Variants in LEPR observed in about 807,000 individuals in gnomAD.
LEPR encodes the protein leptin receptor, also known as OB receptor.
A neutral mutation model predicts 114.7 loss-of-function variants in LEPR; 56 were observed. The ratio of observed to expected loss-of-function variants is 0.49; its 90% CI spans 0.39 to 0.61. LEPR has a LOEUF of 0.61. Ranked by LOEUF, LEPR falls within the 20% of genes least tolerant of loss-of-function variation. The pLI is 0.00. For missense variants in LEPR, 1,202 were observed against 1,352.9 expected (o/e 0.89, Z 1.75); for synonymous variants, 443 against 461.4 (o/e 0.96, Z 0.51).
intron 2 of LEPR, chr1:65,432,542 C>A: frequency 1.2e-6 from 1 of 846,320 alleles, no homozygotes; most frequent in Non-Finnish European, 1.4e-6. Flanking sequence ...CTTAACCTCT[C>A]TGGGTGTTAC....
At position 65,591,566 on chromosome 1, in the gene LEPR, T is replaced by C. The variant is rs186858284; in HGVS notation, c.495-1091T>C. The stretch of plus-strand genomic sequence containing the variant: ...CTTGGTAAATTGATCCCTTTTTCAT[T>C]ATGAAATGATCATCTTTATCCCATG... On this transcript the variant is annotated intron_variant, in intron 5 of 19. Transcript: ENST00000349533. Among the ~76,000 whole-genome samples, 307 of 152,208 alleles carry C rather than the reference T, an allele frequency of 2.0e-3. 4 individuals carry two copies. The highest frequency in any genetic ancestry group is 0.012 in the Admixed American group (186 of 15,280).
At chr1:65,635,343 T>G in intron 19 of LEPR, 3 of 984,778 alleles carry the variant, frequency 3.0e-6, no homozygotes, top group Non-Finnish European at 3.6e-6. Flanking sequence ...TGAATTGAGC[T>G]TTTTGCCCAC....
intron 19 of LEPR, chr1:65,635,035 T>C (rs1658668493): frequency 1.2e-6 from 1 of 859,102 alleles, no homozygotes; most frequent in Non-Finnish European, 1.4e-6. Context: ...TATTTATTCC[T>C]TTATGCTTTT....
intron 5 of LEPR, among the ~76,000 whole-genome samples, chr1:65,588,529 T>A (rs1655472259): frequency 6.6e-6 from 1 of 152,034 alleles, no homozygotes; most frequent in Non-Finnish European, 1.5e-5. Flanking sequence ...TATCATCAAT[T>A]AGAAAATTTC....
At chr1:65,518,875 T>TTCTTTCTTTCTTTCTC (rs1557636123) in intron 2 of LEPR, among the ~76,000 whole-genome samples, 1 of 63,976 alleles carries the variant, frequency 1.6e-5, no homozygotes, top group East Asian at 2.6e-4. Flanking sequence ...TTCTTTCTTT[T>TTCTTTCTTTCTTTCTC]TCTTTCTTTC....
At chr1:65,596,013 G>C (rs1656038857) in intron 6 of LEPR, among the ~76,000 whole-genome samples, 1 of 152,084 alleles carries the variant, frequency 6.6e-6, no homozygotes, top group Admixed American at 6.6e-5. Context: ...TAGACAAGCT[G>C]AATTTTGGGT....
intron 2 of LEPR, among the ~76,000 whole-genome samples, chr1:65,448,552 T>G (rs1646741041): frequency 6.6e-6 from 1 of 152,204 alleles, no homozygotes; most frequent in Admixed American, 6.5e-5. Context: ...TGGGGAAGTA[T>G]TCCCTCTGCT....
intron 2 of LEPR, among the ~76,000 whole-genome samples, chr1:65,479,081 T>G (rs545844700): frequency 6.6e-6 from 1 of 152,350 alleles, no homozygotes; most frequent in African/African-American, 2.4e-5. Context: ...AGAGGATTCA[T>G]GAAGCAAAGT....
intron 16 of LEPR, 34 bp downstream of exon 16, chr1:65,618,180 T>C: frequency 6.4e-7 from 1 of 1,566,112 alleles, no homozygotes; most frequent in South Asian, 1.1e-5. Context: ...GTTGCTCTCA[T>C]GGATTAATAT....
At chr1:65,432,378 C>A in intron 2 of LEPR, 2 of 948,754 alleles carry the variant, frequency 2.1e-6, no homozygotes, top group Non-Finnish European at 2.5e-6. Context: ...TTTCCTAGAG[C>A]CTTATTAGAA....
intron 19 of LEPR, among the ~76,000 whole-genome samples, chr1:65,630,933 C>T (rs958880935): frequency 5.3e-5 from 8 of 151,852 alleles, no homozygotes; most frequent in Admixed American, 3.9e-4. Flanking sequence ...TTCTGTGTTC[C>T]TTCTAGGTCG....
chr1:65,508,131 T>G (rs927653443), intron 2 of LEPR, among the ~76,000 whole-genome samples: 9 of 152,188 alleles, frequency 5.9e-5, no homozygotes, highest in African/African-American at 2.2e-4. Context: ...TTTTCCCAGT[T>G]TATGGGTTGT....
chr1:65,636,821 T>C lies in LEPR; in HGVS notation c.3304T>C (p.Cys1102Arg). ...TTTGACTGACAAGTCAAGGGTATCGTGCCCATTCCCAGCCCCCTGTTTATT... is the reference window on the plus strand; with the variant it reads ...TTTGACTGACAAGTCAAGGGTATCGCGCCCATTCCCAGCCCCCTGTTTATT... Reference protein sequence around the residue: ...VLLTDKSRVSCPFPAPCLFTD... With the variant: ...VLLTDKSRVSRPFPAPCLFTD... The change falls in exon 20 of 20, where the codon TGC (cysteine) becomes CGC (arginine). Residue 1102 changes from cysteine (C) to arginine (R), a missense_variant. Physicochemically the swap from Cys to Arg is radical, Grantham distance 180. Transcript: ENST00000349533. The C allele has an allele frequency of 1.9e-6, 3 of 1,613,882 alleles. No individual in the cohort carries two copies. Among genetic ancestry groups the C allele is most frequent in the Non-Finnish European group, 2.5e-6 (3 of 1,179,940 alleles).
chr1:65,453,790 T>G (rs1646823782), intron 2 of LEPR, among the ~76,000 whole-genome samples: 1 of 152,200 alleles, frequency 6.6e-6, no homozygotes, highest in East Asian at 1.9e-4. Flanking sequence ...GTTAGATGTC[T>G]ATTAGGTCCG....
At chr1:65,488,165 T>C (rs1443594534) in intron 2 of LEPR, among the ~76,000 whole-genome samples, 1 of 15,872 alleles carries the variant, frequency 6.3e-5, no homozygotes, top group Non-Finnish European at 1.4e-4. Context: ...CCTTCCTTTC[T>C]TTCTTTCTTT....
intron 2 of LEPR, among the ~76,000 whole-genome samples, chr1:65,457,469 G>T (rs374925500): frequency 6.6e-6 from 1 of 151,962 alleles, no homozygotes; most frequent in African/African-American, 2.4e-5. Context: ...CCTCAGCCAC[G>T]TTCACTCTAC....
chr1:65,426,997 C>CAAAAA (rs55809705), intron 2 of LEPR, among the ~76,000 whole-genome samples: 1 of 137,310 alleles, frequency 7.3e-6, no homozygotes, highest in Non-Finnish European at 1.6e-5. Flanking sequence ...ACTTTGTCTC[C>CAAAAA]AAAAAAAAAA....
intron 6 of LEPR, among the ~76,000 whole-genome samples, chr1:65,593,575 CTT>C (rs1179029504): frequency 6.6e-6 from 1 of 152,016 alleles, no homozygotes; most frequent in Non-Finnish European, 1.5e-5. Flanking sequence ...TATGCAAACT[CTT>C]TATGTCTGAT....
At chr1:65,537,395 T>C (rs1650854265) in intron 2 of LEPR, among the ~76,000 whole-genome samples, 1 of 152,190 alleles carries the variant, frequency 6.6e-6, no homozygotes, top group African/African-American at 2.4e-5. Flanking sequence ...ACAACTAGTT[T>C]GAACCATTTC....
Sources: allele counts gnomAD v4.1 joint callset (sites outside exome capture counted in the v4.1 genomes callset), GRCh38; gene constraint gnomAD v4.1.1; transcripts MANE v1.5; gene names NCBI Gene and HGNC (gene_info 2026-07-23, HGNC 2026-07-21).